Variants in IL33 observed in about 807,000 individuals in gnomAD.
IL33 encodes the protein interleukin 33.
Under a neutral mutation model 27.3 loss-of-function variants are expected in IL33, and 37 were observed. The observed-to-expected ratio is 1.36, with a 90% CI of 1.04 to 1.78. The LOEUF (loss-of-function observed/expected upper bound fraction) is 1.78. Ranked by LOEUF, IL33 falls within the 40% of genes most tolerant of loss-of-function variation. The probability of loss-of-function intolerance (pLI) is 0.00; values close to 1 mark genes in which losing one functional copy is unlikely to be tolerated. For missense variants in IL33, 406 were observed against 311.4 expected (o/e 1.30, Z -2.29); for synonymous variants, 132 against 102.9 (o/e 1.28, Z -1.71).
intron 1 of IL33, among the ~76,000 whole-genome samples, chr9:6,232,107 T>A (rs1322176448): frequency 6.6e-6 from 1 of 152,236 alleles, no homozygotes; most frequent in Admixed American, 6.5e-5. Flanking sequence ...GAGCATTGTC[T>A]GACATATAAG....
At chr9:6,223,665 G>T (rs182714790) in intron 1 of IL33, among the ~76,000 whole-genome samples, 1 of 152,166 alleles carries the variant, frequency 6.6e-6, no homozygotes, top group Non-Finnish European at 1.5e-5. Context: ...TTTCTTTAAA[G>T]GATTTAGAAA....
chr9:6,252,894 T>C lies in IL33; in HGVS notation c.372T>C (p.Ala124=). The C allele has an allele frequency of 2.5e-6, 4 of 1,610,190 alleles. No individual in the cohort carries two copies. The highest frequency in any genetic ancestry group is 3.4e-6 in the Non-Finnish European group (4 of 1,177,922). ...TGISPITEYL[A]SLSTYNDQSI... ...TTTCACCTATTACAGAGTATCTTGCTTCTCTAAGCACATACAATGATCAAT... is the reference window on the plus strand; with the variant it reads ...TTTCACCTATTACAGAGTATCTTGCCTCTCTAAGCACATACAATGATCAAT... Residue 124 remains alanine (A), a synonymous_variant, in exon 5 of 8, where the codon GCT becomes GCC. Transcript: ENST00000682010.
chr9:6,228,389 C>A (rs992902290), intron 1 of IL33, among the ~76,000 whole-genome samples: 1 of 152,098 alleles, frequency 6.6e-6, no homozygotes, highest in Non-Finnish European at 1.5e-5. Context: ...TGAATTTTTA[C>A]AAGATTCAGA....
rs200982905 is a variant in IL33 at position 6,218,899 on chromosome 9, CATATATATATATATATAT to C, written c.-12+3074_-12+3091del. 3.3e-3 allele frequency among the ~76,000 whole-genome samples: 74 copies of C among 22,674 alleles called. 3 individuals are homozygous for C. The highest frequency in any genetic ancestry group is 0.17 in the Middle Eastern group (2 of 12). The allele number at this position is 22,674 out of a possible 152,430, so 14.9% of individuals were successfully genotyped here. The stretch of plus-strand genomic sequence containing the variant: ...GTTCTCCATATATATATATGTTCTC[CATATATATATATATATAT>C]ATATATATATATATATATATATATA... On this transcript the variant is annotated intron_variant, in intron 1 of 7. Coordinates refer to ENST00000682010, the MANE Select transcript of IL33 (RefSeq NM_033439.4).
intron 1 of IL33, among the ~76,000 whole-genome samples, chr9:6,219,624 A>G (rs1248342974): frequency 6.6e-6 from 1 of 152,118 alleles, no homozygotes; most frequent in East Asian, 1.9e-4. Flanking sequence ...CTGAGCCTGA[A>G]TTTTTTTCTC....
At chr9:6,247,090 AGTTT>A (rs1441888084) in intron 2 of IL33, among the ~76,000 whole-genome samples, 1 of 152,244 alleles carries the variant, frequency 6.6e-6, no homozygotes, top group Admixed American at 6.5e-5. Context: ...ATAGAGTTAC[AGTTT>A]GGGGAGTCAT....
At chr9:6,251,102 G>A (rs1364955346) in intron 3 of IL33, 38 bp from the exon 4 acceptor site, 2 of 1,603,150 alleles carry the variant, frequency 1.2e-6, no homozygotes, top group Non-Finnish European at 8.5e-7. Context: ...TGCAGAGTGG[G>A]GATTGATGGT....
intron 1 of IL33, among the ~76,000 whole-genome samples, chr9:6,222,810 T>C (rs935076594): frequency 1.3e-5 from 2 of 152,098 alleles, no homozygotes; most frequent in African/African-American, 4.8e-5. Flanking sequence ...TTGTATTAAC[T>C]GATTTTTTTT....
chr9:6,226,860 T>C (rs891244452), intron 1 of IL33, among the ~76,000 whole-genome samples: 2 of 152,266 alleles, frequency 1.3e-5, no homozygotes, highest in African/African-American at 4.8e-5. Flanking sequence ...AAATTTTGAC[T>C]GCAGACTACT....
chr9:6,223,449 G>C (rs556495818), intron 1 of IL33, among the ~76,000 whole-genome samples: 1 of 150,864 alleles, frequency 6.6e-6, no homozygotes, highest in East Asian at 1.9e-4. Flanking sequence ...AAGATTTTCA[G>C]TTTATTTTTT....
chr9:6,250,874 A>G (rs1420389673), intron 3 of IL33, among the ~76,000 whole-genome samples: 2 of 152,184 alleles, frequency 1.3e-5, no homozygotes, highest in Admixed American at 6.5e-5. Flanking sequence ...TTTAATTTAA[A>G]GGAAATAGGT....
chr9:6,252,040 A>AAAAC (rs1223191784), intron 4 of IL33, among the ~76,000 whole-genome samples: 2,631 of 29,338 alleles, frequency 0.09, 196 homozygotes, highest in African/African-American at 0.21. Context: ...TCTCAGAAAA[A>AAAAC]AAACAAACAA....
At chr9:6,232,901 G>A (rs1388838331) in intron 1 of IL33, among the ~76,000 whole-genome samples, 3 of 152,044 alleles carry the variant, frequency 2.0e-5, no homozygotes, top group Non-Finnish European at 4.4e-5. Flanking sequence ...CTAAGATAAG[G>A]AACACTGGAA....
At chr9:6,236,076 C>T (rs1379706274) in intron 1 of IL33, among the ~76,000 whole-genome samples, 2 of 150,796 alleles carry the variant, frequency 1.3e-5, no homozygotes, top group African/African-American at 4.9e-5. Context: ...AGTTGCAACA[C>T]TGGCAATATT....
chr9:6,225,457 G>C (rs1482023528), intron 1 of IL33, among the ~76,000 whole-genome samples: 1 of 152,158 alleles, frequency 6.6e-6, no homozygotes, highest in African/African-American at 2.4e-5. Flanking sequence ...CCATTTACTA[G>C]CTGTGTGACC....
Position 6,241,677 on chromosome 9 carries a change from C to A in IL33, c.-11-7C>A. Reference sequence around the variant, plus strand: ...AAATGAACTAATATTATATTTTAATCCAACAGAATACTGAAAAATGAAGCC... The same window carrying A: ...AAATGAACTAATATTATATTTTAATACAACAGAATACTGAAAAATGAAGCC... On this transcript the variant is annotated splice_region_variant and splice_polypyrimidine_tract_variant and intron_variant, in intron 1 of 7. Coordinates refer to ENST00000682010, the MANE Select transcript of IL33 (RefSeq NM_033439.4). 3 of 1,531,708 alleles carry A rather than the reference C, an allele frequency of 2.0e-6. No homozygotes were observed. The highest frequency in any genetic ancestry group is 8.9e-7 in the Non-Finnish European group (1 of 1,119,430). 94.9% of individuals were successfully genotyped at this position (1,531,708 alleles called of 1,614,324 possible).
chr9:6,220,187 C>A lies in IL33; in HGVS notation c.-12+4335C>A, dbSNP rs143589217. ...CTATTTCCAGAACTAAGAAGTTCACCCACAAACTTGGCTGAGCGCTTTACT... is the reference window on the plus strand; with the variant it reads ...CTATTTCCAGAACTAAGAAGTTCACACACAAACTTGGCTGAGCGCTTTACT... On this transcript the variant is annotated intron_variant, in intron 1 of 7. Coordinates refer to ENST00000682010, the MANE Select transcript of IL33 (RefSeq NM_033439.4). Among the ~76,000 whole-genome samples, 61 of 152,220 alleles carry A rather than the reference C, an allele frequency of 4.0e-4. 2 individuals carry two copies. In the East Asian group the frequency reaches 0.01, roughly 26 times the overall value.
chr9:6,225,129 T>G (rs1197223459), intron 1 of IL33, among the ~76,000 whole-genome samples: 1 of 152,160 alleles, frequency 6.6e-6, no homozygotes, highest in South Asian at 2.1e-4. Context: ...CCTCACACTG[T>G]GTTATAAGCT....
intron 1 of IL33, among the ~76,000 whole-genome samples, chr9:6,223,442 A>G (rs959869874): frequency 6.6e-6 from 1 of 151,684 alleles, no homozygotes; most frequent in African/African-American, 2.4e-5. Context: ...GATACAAAAG[A>G]TTTTCAGTTT....
Sources: allele counts gnomAD v4.1 joint callset (sites outside exome capture counted in the v4.1 genomes callset), GRCh38; gene constraint gnomAD v4.1.1; transcripts MANE v1.5; gene names NCBI Gene and HGNC (gene_info 2026-07-23, HGNC 2026-07-21).